RAB38: variants seen among roughly 807,000 people sequenced by gnomAD.
RAB38 encodes ras-related protein Rab-38.
Under a neutral mutation model 18.4 loss-of-function variants are expected in RAB38, and 15 were observed. The observed-to-expected ratio is 0.82, with a 90% confidence interval of 0.55 to 1.26. The LOEUF (loss-of-function observed/expected upper bound fraction) is 1.26, where lower values mean the gene tolerates loss of function less well. RAB38 is among the 50% of genes most tolerant of loss of function. The probability of loss-of-function intolerance (pLI) is 0.00; values close to 1 mark genes in which losing one functional copy is unlikely to be tolerated. For synonymous variants in RAB38, 101 were observed against 104.4 expected (o/e 0.97, Z 0.20); for missense variants, 294 against 267.4 (o/e 1.10, Z -0.69).
the RAB38 span, among the ~76,000 whole-genome samples, chr11:87,976,287 T>C: frequency 6.9e-6 from 1 of 144,626 alleles, no homozygotes; most frequent in Non-Finnish European, 1.5e-5. Context: ...TATATATATA[T>C]ATACATACAC....
the RAB38 span, among the ~76,000 whole-genome samples, chr11:88,106,102 C>T: frequency 1.3e-5 from 2 of 152,090 alleles, no homozygotes; most frequent in Admixed American, 6.6e-5. Context: ...CCCACTCTCC[C>T]TTCCCCCAAT....
chr11:87,950,071 T>C, the RAB38 span, among the ~76,000 whole-genome samples: 24 of 152,182 alleles, frequency 1.6e-4, no homozygotes, highest in East Asian at 1.9e-4. Context: ...AATCTGGGTG[T>C]TCCTGTATTG....
chr11:87,931,528 C>T, the RAB38 span, among the ~76,000 whole-genome samples: 4 of 152,032 alleles, frequency 2.6e-5, no homozygotes, highest in Admixed American at 2.6e-4. Context: ...CTTGTTCTTT[C>T]AGAGGCCACT....
the RAB38 span, among the ~76,000 whole-genome samples, chr11:87,972,430 G>A: frequency 2.0e-5 from 3 of 151,794 alleles, no homozygotes; most frequent in African/African-American, 2.4e-5. Flanking sequence ...TGACACCCAC[G>A]CTTATAAGCC....
chr11:88,055,345 TC>T, the RAB38 span, among the ~76,000 whole-genome samples: 3 of 152,252 alleles, frequency 2.0e-5, no homozygotes, highest in African/African-American at 7.2e-5. Flanking sequence ...AATTTGTAAA[TC>T]ATCAACATTA....
At chr11:88,048,915 T>A in the RAB38 span, among the ~76,000 whole-genome samples, 1 of 152,172 alleles carries the variant, frequency 6.6e-6, no homozygotes, top group Non-Finnish European at 1.5e-5. Flanking sequence ...TCTTAGTCCT[T>A]TAATACCTGT....
rs576097220 is a variant in RAB38, at chr11:88,174,304, T to C, written c.202+879A>G. On this transcript the variant is annotated intron_variant, in intron 1 of 2. Transcript: ENST00000243662. ...AGGATTCACACTTGGAGTAGATACA[T>C]TGCACCCTCACTTTTGACTAGGCCT... is the stretch of plus-strand genomic sequence containing the variant. Among the ~76,000 whole-genome samples, 42 of 152,250 alleles carry C rather than the reference T, an allele frequency of 2.8e-4. No homozygotes were observed. The East Asian group carries it at 8.1e-3, about 29-fold the overall frequency.
chr11:88,036,579 T>C, the RAB38 span, among the ~76,000 whole-genome samples: 1 of 152,150 alleles, frequency 6.6e-6, no homozygotes, highest in South Asian at 2.1e-4. Flanking sequence ...TTTCCTTTTT[T>C]CTTAGAACAT....
At chr11:87,861,603 A>G in the RAB38 span, among the ~76,000 whole-genome samples, 1 of 151,806 alleles carries the variant, frequency 6.6e-6, no homozygotes, top group African/African-American at 2.4e-5. Flanking sequence ...CCAAAAAGTG[A>G]TACTATCTGA....
the RAB38 span, among the ~76,000 whole-genome samples, chr11:87,950,711 G>C: frequency 6.2e-4 from 94 of 152,238 alleles, no homozygotes; most frequent in Admixed American, 2.3e-3. Flanking sequence ...TTGAATATTG[G>C]CCCCCACTCT....
chr11:87,943,092 G>T, the RAB38 span, among the ~76,000 whole-genome samples: 2 of 151,800 alleles, frequency 1.3e-5, no homozygotes, highest in East Asian at 3.9e-4. Flanking sequence ...AAGAAATCAG[G>T]ATAAGGGAAA....
chr11:87,829,476 G>A, the RAB38 span, among the ~76,000 whole-genome samples: 9 of 152,158 alleles, frequency 5.9e-5, no homozygotes, highest in Non-Finnish European at 1.5e-5. Context: ...AGAAGGGGAA[G>A]AGGCAAGTCT....
the RAB38 span, among the ~76,000 whole-genome samples, chr11:88,076,824 T>G: frequency 2.0e-5 from 3 of 149,440 alleles, no homozygotes; most frequent in Non-Finnish European, 3.0e-5. Flanking sequence ...CCGGGAGTGG[T>G]TGTGCAAGCC....
the RAB38 span, among the ~76,000 whole-genome samples, chr11:87,874,425 G>T: frequency 6.6e-6 from 1 of 151,280 alleles, no homozygotes; most frequent in Non-Finnish European, 1.5e-5. Context: ...ATGGGCAAAG[G>T]ACCTGAACAG....
the RAB38 span, among the ~76,000 whole-genome samples, chr11:88,052,919 T>TCATATATATATATTTC: frequency 2.2e-4 from 6 of 27,820 alleles, no homozygotes; most frequent in South Asian, 8.8e-4. Flanking sequence ...TATATATATA[T>TCATATATATATATTTC]ATATATATAT....
chr11:88,037,656 T>A, the RAB38 span, among the ~76,000 whole-genome samples: 2 of 152,160 alleles, frequency 1.3e-5, no homozygotes, highest in Admixed American at 1.3e-4. Context: ...GTTTTGCTAT[T>A]CTAGAATATC....
chr11:87,846,527 T>G, the RAB38 span, among the ~76,000 whole-genome samples: 1 of 151,906 alleles, frequency 6.6e-6, no homozygotes, highest in South Asian at 2.1e-4. Context: ...TAGAAATAAT[T>G]CATTAGGAAA....
chr11:87,874,776 T>C, the RAB38 span, among the ~76,000 whole-genome samples: 2 of 151,626 alleles, frequency 1.3e-5, no homozygotes, highest in Middle Eastern at 3.4e-3. Flanking sequence ...AAAATACCTT[T>C]TATCAAAAAG....
chr11:88,155,842 C>A (rs1463143929), intron 1 of RAB38, among the ~76,000 whole-genome samples: 1 of 152,176 alleles, frequency 6.6e-6, no homozygotes, highest in East Asian at 1.9e-4. Context: ...ATCACAGCTT[C>A]TAGAATTGGA....
Sources: gnomAD v4.1 joint callset for allele counts (sites outside exome capture counted in the v4.1 genomes callset) on GRCh38, gnomAD v4.1.1 for gene constraint, MANE v1.5 for transcripts, NCBI Gene and HGNC (gene_info 2026-07-23, HGNC 2026-07-21) for gene names.